FBXO41: variants seen among roughly 807,000 people sequenced by gnomAD.
FBXO41 encodes F-box only protein 41.
FBXO41 carries 33 observed loss-of-function variants against 81.6 expected under a neutral mutation model. The observed-to-expected ratio is 0.40, with a 90% CI of 0.31 to 0.54. The LOEUF is 0.54. FBXO41 is among the 20% of genes least tolerant of loss of function. The pLI is 0.39. For missense variants in FBXO41, 1,107 were observed against 1,236.0 expected (o/e 0.90, Z 1.56); for synonymous variants, 576 against 552.7 (o/e 1.04, Z -0.59).
chr2:73,274,483 G>C (rs1319690630), intron 1 of FBXO41, among the ~76,000 whole-genome samples: 1 of 152,110 alleles, frequency 6.6e-6, no homozygotes, highest in Non-Finnish European at 1.5e-5. Context: ...TGATATACTA[G>C]AGTTTTAAAT....
Position 73,269,496 on chromosome 2 carries a change from G to A in FBXO41, c.135C>T (p.Asn45=). ...YETLYILSKT[N]SICDGAAAAA... ...CGGCGGCGGCGCCGTCGCAGATGCT[G>A]TTGGTCTTGGAGAGGATGTAGAGCG... is the stretch of plus-strand genomic sequence containing the variant. Residue 45 remains asparagine (N), a synonymous_variant, in exon 2 of 13, where the codon AAC becomes AAT. Coordinates refer to ENST00000520530, the MANE Select transcript of FBXO41 (RefSeq NM_001371389.2). This position sits in a 1 kb window ranked among gnomAD's most constrained non-coding sequence, Gnocchi z 7.0. 7.6e-7 allele frequency: 1 copy of A among 1,313,322 alleles called. No individual in the cohort carries two copies. The allele number at this position is 1,313,322 out of a possible 1,614,324, so 81.4% of individuals were successfully genotyped here.
Position 73,269,094 on chromosome 2 carries a change from A to AGGGCCG in FBXO41, c.531_536dup (p.Gly178_Pro179dup), listed in dbSNP as rs1283549635. On this transcript the variant is annotated inframe_insertion, in exon 2 of 13. Transcript: ENST00000520530. This position sits in a 1 kb window ranked among gnomAD's most constrained non-coding sequence, Gnocchi z 7.0. ...GCGAAGCGGAGGCAGGCCCGGGGCA[A>AGGGCCG]GGGCCGGGGCCGGGGCCAGGCGGCG... 29 of 1,506,752 alleles carry AGGGCCG rather than the reference A, an allele frequency of 1.9e-5. No homozygotes were observed. The highest frequency in any genetic ancestry group is 1.8e-4 in the Middle Eastern group (1 of 5,490). 93.3% of individuals were successfully genotyped at this position (1,506,752 alleles called of 1,614,324 possible). A position where few individuals can be genotyped will look rare whatever the true frequency, so the allele number is the denominator to read the frequency against.
intron 1 of FBXO41, among the ~76,000 whole-genome samples, chr2:73,271,700 G>A (rs542471213): frequency 1.3e-5 from 2 of 150,290 alleles, no homozygotes; most frequent in South Asian, 2.1e-4. Context: ...GTGCAGTCTC[G>A]GCTCACTACA....
At chr2:73,280,355 GT>G (rs1158192490) in intron 1 of FBXO41, among the ~76,000 whole-genome samples, 1 of 152,214 alleles carries the variant, frequency 6.6e-6, no homozygotes, top group East Asian at 1.9e-4. Flanking sequence ...AGCTTCCAAA[GT>G]TTTCTGCATA....
chr2:73,268,499 C>T (rs779011157), intron 2 of FBXO41, among the ~76,000 whole-genome samples: 1 of 152,088 alleles, frequency 6.6e-6, no homozygotes, highest in Non-Finnish European at 1.5e-5. Flanking sequence ...GGACAGAGAA[C>T]GAGAAAGGCA....
Position 73,266,015 on chromosome 2 carries a change from G to T in FBXO41, c.1132-49C>A. ...TAAAGGAGAGGGGCGGAGGAGGCAAGAGGATGAGCAGGAATAGCAGGGGAA... is the reference window on the plus strand; with the variant it reads ...TAAAGGAGAGGGGCGGAGGAGGCAATAGGATGAGCAGGAATAGCAGGGGAA... On this transcript the variant is annotated intron_variant, in intron 3 of 12. Transcript: ENST00000520530. The surrounding 1 kb of genome is among the most constrained non-coding windows in gnomAD (Gnocchi z 5.3). 6.6e-7 allele frequency: 1 copy of T among 1,514,426 alleles called. No homozygotes were observed. The allele number at this position is 1,514,426 out of a possible 1,614,324, so 93.8% of individuals were successfully genotyped here.
intron 1 of FBXO41, among the ~76,000 whole-genome samples, chr2:73,277,854 A>T (rs1688741026): frequency 6.6e-6 from 1 of 152,170 alleles, no homozygotes; most frequent in Admixed American, 6.5e-5. Flanking sequence ...TACGATTTTC[A>T]TCTGCTCAGC....
Position 73,265,374 on chromosome 2 carries a change from G to A in FBXO41, c.1472C>T (p.Ser491Phe). 1 of 1,611,826 alleles carries A rather than the reference G, an allele frequency of 6.2e-7. No homozygotes were observed. Among genetic ancestry groups the A allele is most frequent in the Non-Finnish European group, 8.5e-7 (1 of 1,179,744 alleles). ...CTCAGCCTCTGACTCAGTGGTTCGG[G>A]AGCCAACGTCGGAGACATCACCCTC... is the stretch of plus-strand genomic sequence containing the variant. ...GEEGDVSDVGSRTTESEAEGP... is the reference protein window; with the variant it reads ...GEEGDVSDVGFRTTESEAEGP... The change falls in exon 5 of 13, where the codon TCC becomes TTC. Residue 491 changes from serine (S) to phenylalanine (F), a missense_variant. Physicochemically the swap from Ser to Phe is radical, Grantham distance 155. Transcript: ENST00000520530.
chr2:73,267,236 C>A (rs1224541717), intron 2 of FBXO41, among the ~76,000 whole-genome samples: 6 of 152,218 alleles, frequency 3.9e-5, no homozygotes, highest in Admixed American at 3.9e-4. Context: ...TTTGTGTAGT[C>A]ACATCATGTT....
At chr2:73,277,864 C>T (rs1688741337) in intron 1 of FBXO41, among the ~76,000 whole-genome samples, 1 of 152,204 alleles carries the variant, frequency 6.6e-6, no homozygotes, top group South Asian at 2.1e-4. Flanking sequence ...ATCTGCTCAG[C>T]AAGTCTTCTT....
At position 73,268,884 on chromosome 2, in the gene FBXO41, C is replaced by T; in HGVS notation, c.747G>A (p.Glu249=). 1 of 1,557,872 alleles carries T rather than the reference C, an allele frequency of 6.4e-7. No individual in the cohort carries two copies. Among genetic ancestry groups the T allele is most frequent in the Admixed American group, 1.9e-5 (1 of 52,838 alleles). ...GCCTCGCACTCTCCTGCCGCGCAGT[C>T]TCCAGTTCGGCCGCCTTGCGCTCCA... ...AELERKAAEL[E]TARQESARLG... The change falls in exon 2 of 13, where the codon GAG becomes GAA. Residue 249 remains glutamate, a synonymous_variant. Transcript: ENST00000520530.
chr2:73,264,624 G>A, intron 5 of FBXO41, 105 bp from the exon 6 acceptor site: 1 of 1,510,834 alleles, frequency 6.6e-7, no homozygotes, highest in Non-Finnish European at 8.9e-7. Flanking sequence ...GAATGGACAT[G>A]CTGTGGTACC....
chr2:73,262,529 T>C (rs756010467), intron 9 of FBXO41, among the ~76,000 whole-genome samples: 23 of 152,238 alleles, frequency 1.5e-4, no homozygotes, highest in South Asian at 2.1e-4. Context: ...CAAACAAAGC[T>C]GGTGGTTTTT....
Position 73,258,719 on chromosome 2 carries a change from G to T in FBXO41, c.*263C>A. 2.2e-6 allele frequency: 1 copy of T among 452,584 alleles called. No homozygotes were observed. Among genetic ancestry groups the T allele is most frequent in the Non-Finnish European group, 3.9e-6 (1 of 256,214 alleles). 28.0% of individuals were successfully genotyped at this position (452,584 alleles called of 1,614,324 possible). ...TGGTGGTGACAGCTCCTCACTGGCT[G>T]TGCCAGAGGCTACTCCAGCCGGGGT... On this transcript the variant is annotated 3_prime_UTR_variant, in exon 13 of 13. Transcript: ENST00000520530.
intron 1 of FBXO41, among the ~76,000 whole-genome samples, chr2:73,278,209 G>C (rs1219643727): frequency 2.0e-5 from 3 of 152,208 alleles, no homozygotes; most frequent in African/African-American, 7.2e-5. Context: ...TGGGGAACAA[G>C]GTGGCAATAC....
chr2:73,270,712 C>G (rs767339148), intron 1 of FBXO41: 1 of 487,258 alleles, frequency 2.1e-6, no homozygotes, highest in Non-Finnish European at 4.2e-6. Flanking sequence ...CTCCATCCCC[C>G]CACCAATTCT....
In FBXO41 at chr2:73,260,470, A is replaced by C; in HGVS notation, c.2368T>G (p.Cys790Gly). ...TCCAGTCCCTTCAGGCCTTCCCGGC[A>C]GACCTCTGCTGCCACCTCCTGGGTG... is the stretch of plus-strand genomic sequence containing the variant. ...EITQEVAAEV[C>G]REGLKGLEML... is the part of the protein sequence containing the mutation. Residue 790 changes from cysteine (C) to glycine (G), a missense_variant, in exon 11 of 13, where the codon TGC becomes GGC. By Grantham distance (159) the Cys-to-Gly change is radical. This residue lies in a region of FBXO41 where 336 missense variants were observed against 446.7 expected (regional missense o/e 0.75). Coordinates refer to ENST00000520530, the MANE Select transcript of FBXO41 (RefSeq NM_001371389.2). The surrounding 1 kb of genome is among the most constrained non-coding windows in gnomAD (Gnocchi z 5.0). 1 of 1,606,422 alleles carries C rather than the reference A, an allele frequency of 6.2e-7. No homozygotes were observed. Among genetic ancestry groups the C allele is most frequent in the Non-Finnish European group, 8.5e-7 (1 of 1,176,618 alleles).
At chr2:73,271,594 T>A (rs1396337270) in intron 1 of FBXO41, 1 of 151,634 alleles carries the variant, frequency 6.6e-6, no homozygotes, top group Non-Finnish European at 1.5e-5. Flanking sequence ...CCTGGCCTGT[T>A]CAGTTACACA....
At chr2:73,263,076 A>C in intron 9 of FBXO41, 137 bp downstream of exon 9, 1 of 664,716 alleles carries the variant, frequency 1.5e-6, no homozygotes, top group South Asian at 2.0e-5. Flanking sequence ...CCTGCTCCTA[A>C]TGCCTCAATG....
Sources: gnomAD v4.1 joint callset for allele counts (sites outside exome capture counted in the v4.1 genomes callset) on GRCh38, gnomAD v4.1.1 for gene constraint, gnomAD v4.1.1 regional missense constraint, Gnocchi (gnomAD v3.1) non-coding constraint, MANE v1.5 for transcripts, NCBI Gene and HGNC (gene_info 2026-07-23, HGNC 2026-07-21) for gene names.